EAF2: variants seen among roughly 807,000 people sequenced by gnomAD.
EAF2 encodes the protein ELL-associated factor 2.
Under a neutral mutation model 29.4 loss-of-function variants are expected in EAF2, and 29 were observed. The observed-to-expected ratio is 0.99, with a 90% CI of 0.73 to 1.35. The LOEUF (loss-of-function observed/expected upper bound fraction) is 1.35, where lower values mean the gene tolerates loss of function less well. EAF2 is among the 40% of genes most tolerant of loss of function. EAF2 has a pLI of 0.00. For missense variants in EAF2, 292 were observed against 312.0 expected (o/e 0.94, Z 0.48); for synonymous variants, 103 against 102.5 (o/e 1.00, Z -0.03).
chr3:121,876,508 A>T (rs1259152755), intron 5 of EAF2, among the ~76,000 whole-genome samples: 1 of 151,998 alleles, frequency 6.6e-6, no homozygotes, highest in Admixed American at 6.6e-5. Context: ...TTAACCTTTG[A>T]CTATAAAGAT....
chr3:121,857,501 AAAG>A (rs1708741593), intron 4 of EAF2, among the ~76,000 whole-genome samples: 1 of 151,848 alleles, frequency 6.6e-6, no homozygotes, highest in Non-Finnish European at 1.5e-5. Flanking sequence ...AAAAAAAAAA[AAAG>A]AAAAAAAAAT....
At chr3:121,869,463 A>G (rs2689278) in intron 4 of EAF2, among the ~76,000 whole-genome samples, 15,388 of 152,270 alleles carry the variant, frequency 0.1, 816 homozygotes, top group South Asian at 0.16. Context: ...AGTAAGATTG[A>G]TAAAAATGAA....
At chr3:121,866,454 G>T (rs182026872) in intron 4 of EAF2, among the ~76,000 whole-genome samples, 4 of 152,060 alleles carry the variant, frequency 2.6e-5, no homozygotes, top group Non-Finnish European at 4.4e-5. Flanking sequence ...GGCTGGGTGC[G>T]GTGGCTCACA....
rs1291818746 is a variant in EAF2 at position 121,835,336 on chromosome 3, C to G, written c.51C>G (p.Leu17=). The change falls in exon 1 of 6, where the codon CTC becomes CTG. Residue 17 remains leucine (L), a synonymous_variant. Transcript: ENST00000273668. The stretch of plus-strand genomic sequence containing the variant: ...ACCTAGACCGTCGCGAGCGGGTTCT[C>G]AAGTTAGGGGAGAGTTTCGAGAAGC... The part of the protein sequence containing the change: ...FSHLDRRERV[L]KLGESFEKQP... 8 of 1,614,066 alleles carry G rather than the reference C, an allele frequency of 5.0e-6. No homozygotes were observed. Among genetic ancestry groups the G allele is most frequent in the African/African-American group, 1.3e-5 (1 of 74,932 alleles).
intron 2 of EAF2, among the ~76,000 whole-genome samples, chr3:121,848,277 G>A (rs1256668438): frequency 6.6e-6 from 1 of 152,124 alleles, no homozygotes; most frequent in Admixed American, 6.6e-5. Context: ...GTATGCAGAT[G>A]TGTCCATATA....
intron 1 of EAF2, chr3:121,837,411 C>A (rs952406322): frequency 1.3e-5 from 2 of 152,090 alleles, no homozygotes; most frequent in African/African-American, 4.8e-5. Context: ...TAATATTCTG[C>A]CTTTATTTAC....
chr3:121,835,452 A>G, intron 1 of EAF2, 61 bp downstream of exon 1: 1 of 1,471,502 alleles, frequency 6.8e-7, no homozygotes, highest in Non-Finnish European at 9.5e-7. Flanking sequence ...GAAGAGGCAC[A>G]AACCCCTCTG....
In EAF2 at chr3:121,857,173, T is replaced by C. The variant is rs762547537; in HGVS notation, c.484+17T>C. On this transcript the variant is annotated intron_variant, in intron 4 of 5. Coordinates refer to ENST00000273668, the MANE Select transcript of EAF2 (RefSeq NM_018456.6). ...TCGAAAGAGGTAAAATCTAAGTATA[T>C]GTAACATCCCTTTATAAGAGATAAT... 5 of 1,599,590 alleles carry C rather than the reference T, an allele frequency of 3.1e-6. No homozygotes were observed. The highest frequency in any genetic ancestry group is 1.1e-5 in the South Asian group (1 of 88,998).
chr3:121,835,297 A>C lies in EAF2; in HGVS notation c.12A>C (p.Ala4=), dbSNP rs1298323953. 1.2e-6 allele frequency: 2 copies of C among 1,614,108 alleles called. No homozygotes were observed. The highest frequency in any genetic ancestry group is 2.7e-5 in the African/African-American group (2 of 74,944). Residue 4 remains alanine, a synonymous_variant, in exon 1 of 6, where the codon GCA becomes GCC. Coordinates refer to ENST00000273668, the MANE Select transcript of EAF2 (RefSeq NM_018456.6). ...GCAGGAGAGTAATTATGAATAGCGC[A>C]GCGGGATTCTCACACCTAGACCGTC... MNS[A]AGFSHLDRRE...
intron 1 of EAF2, among the ~76,000 whole-genome samples, chr3:121,842,102 C>T (rs1387033160): frequency 1.3e-5 from 2 of 151,444 alleles, no homozygotes; most frequent in Non-Finnish European, 2.9e-5. Flanking sequence ...GAGAATCGCT[C>T]GAACCCGGAA....
Position 121,872,579 on chromosome 3 carries a change from G to A in EAF2, c.527G>A (p.Cys176Tyr). 1 of 1,612,522 alleles carries A rather than the reference G, an allele frequency of 6.2e-7. No individual in the cohort carries two copies. Among genetic ancestry groups the A allele is most frequent in the Non-Finnish European group, 8.5e-7 (1 of 1,178,938 alleles). Residue 176 changes from cysteine (C) to tyrosine (Y), a missense_variant, in exon 5 of 6, where the codon TGT (cysteine) becomes TAT (tyrosine). Physicochemically the swap from Cys to Tyr is radical, Grantham distance 194. Coordinates refer to ENST00000273668, the MANE Select transcript of EAF2 (RefSeq NM_018456.6). ...EASLMDQMSS[C>Y]DSSSDSKSSS... Reference sequence around the variant, plus strand: ...AGTCTAATGGACCAGATGAGTAGTTGTGATAGTTCATCAGATTCCAAAAGT... The same window carrying A: ...AGTCTAATGGACCAGATGAGTAGTTATGATAGTTCATCAGATTCCAAAAGT...
chr3:121,849,545 TTTTATGAAATAGCCCA>T (rs1321427645), intron 2 of EAF2, among the ~76,000 whole-genome samples: 1 of 152,226 alleles, frequency 6.6e-6, no homozygotes, highest in Non-Finnish European at 1.5e-5. Flanking sequence ...TTCTGTGGGC[TTTTATGAAATAGCCCA>T]CTGCAAACTT....
At chr3:121,861,121 T>G (rs1708822055) in intron 4 of EAF2, among the ~76,000 whole-genome samples, 1 of 152,236 alleles carries the variant, frequency 6.6e-6, no homozygotes. Context: ...AAGTGTGATG[T>G]GGTTCTGAGA....
intron 4 of EAF2, among the ~76,000 whole-genome samples, chr3:121,870,115 C>G (rs1708986525): frequency 6.6e-6 from 1 of 152,016 alleles, no homozygotes; most frequent in African/African-American, 2.4e-5. Flanking sequence ...AGAATTAACA[C>G]CAACATTACA....
At chr3:121,854,490 A>G (rs1374421098) in intron 2 of EAF2, among the ~76,000 whole-genome samples, 197 bp from the exon 3 acceptor site, 1 of 152,106 alleles carries the variant, frequency 6.6e-6, no homozygotes, top group Non-Finnish European at 1.5e-5. Flanking sequence ...CCTCAATGAC[A>G]GCAGCTTTGA....
Position 121,835,405 on chromosome 3 carries a change from A to G in EAF2, c.106+14A>G. On this transcript the variant is annotated intron_variant, in intron 1 of 5. Transcript: ENST00000273668. ...ACACTGTGCGCTGTGAGTGAGGACCATCCGGGGATAGAGGGGGAGCCTCCC... is the reference window on the plus strand; with the variant it reads ...ACACTGTGCGCTGTGAGTGAGGACCGTCCGGGGATAGAGGGGGAGCCTCCC... 1 of 1,611,940 alleles carries G rather than the reference A, an allele frequency of 6.2e-7. No individual in the cohort carries two copies. The highest frequency in any genetic ancestry group is 8.5e-7 in the Non-Finnish European group (1 of 1,178,224).
intron 4 of EAF2, among the ~76,000 whole-genome samples, chr3:121,866,224 C>T (rs1442001969): frequency 6.6e-6 from 1 of 152,090 alleles, no homozygotes; most frequent in African/African-American, 2.4e-5. Context: ...ATCGGGGACC[C>T]TAGCTGCTGG....
intron 5 of EAF2, among the ~76,000 whole-genome samples, chr3:121,881,751 T>C (rs1576659424): frequency 6.6e-6 from 1 of 152,142 alleles, no homozygotes; most frequent in East Asian, 1.9e-4. Context: ...GCTCAGGCAA[T>C]CCACCCACCT....
intron 2 of EAF2, among the ~76,000 whole-genome samples, chr3:121,848,196 G>C (rs1189899739): frequency 6.6e-6 from 1 of 152,140 alleles, no homozygotes; most frequent in African/African-American, 2.4e-5. Context: ...AGCCGCCTCT[G>C]AGCAGTGTAT....
Sources: gnomAD v4.1 joint callset for allele counts (sites outside exome capture counted in the v4.1 genomes callset) on GRCh38, gnomAD v4.1.1 for gene constraint, MANE v1.5 for transcripts, NCBI Gene and HGNC (gene_info 2026-07-23, HGNC 2026-07-21) for gene names.